Variants in EPHA4 observed in about 807,000 individuals in gnomAD.
The protein encoded by EPHA4 is ephrin type-A receptor 4.
Under a neutral mutation model 108.3 loss-of-function variants are expected in EPHA4, and 19 were observed. That is an observed-to-expected ratio of 0.18 (90% CI 0.12 to 0.26). The LOEUF (loss-of-function observed/expected upper bound fraction) is 0.26, where lower values mean the gene tolerates loss of function less well. Among genes scored for constraint, EPHA4 ranks in the 10% least tolerant of loss-of-function variants. The pLI, the probability that EPHA4 is intolerant of heterozygous loss-of-function variation, is 1.00. For synonymous variants in EPHA4, 449 were observed against 455.5 expected, an observed-to-expected ratio of 0.99 and a Z score of 0.18; for missense variants, 917 against 1,254.0, an observed-to-expected ratio of 0.73 and a Z score of 4.06.
At chr2:221,542,817 A>G (rs555004285) in intron 3 of EPHA4, among the ~76,000 whole-genome samples, 1 of 152,242 alleles carries the variant, frequency 6.6e-6, no homozygotes, top group Admixed American at 6.5e-5. Flanking sequence ...AGAATCCTAC[A>G]TTTGTTTAAA....
intron 3 of EPHA4, among the ~76,000 whole-genome samples, chr2:221,555,642 GAGGTACCAGCTGTAAC>G (rs1694282913): frequency 6.6e-6 from 1 of 152,314 alleles, no homozygotes; most frequent in Admixed American, 6.5e-5. Context: ...AAACAGCTCA[GAGGTACCAGCTGTAAC>G]AGGATACAGG....
At chr2:221,549,703 C>A (rs193243748) in intron 3 of EPHA4, among the ~76,000 whole-genome samples, 61 of 152,330 alleles carry the variant, frequency 4.0e-4, no homozygotes, top group Admixed American at 2.6e-3. Flanking sequence ...CAAAGCCGGG[C>A]GCAGTGGCTC....
chr2:221,462,405 G>T (rs1691174566), intron 5 of EPHA4, among the ~76,000 whole-genome samples: 1 of 151,434 alleles, frequency 6.6e-6, no homozygotes, highest in African/African-American at 2.4e-5. Flanking sequence ...GGAGATTTCA[G>T]CAGTTTTTAA....
chr2:221,493,985 C>T (rs1304386282), intron 4 of EPHA4, among the ~76,000 whole-genome samples: 1 of 152,176 alleles, frequency 6.6e-6, no homozygotes, highest in African/African-American at 2.4e-5. Context: ...GTTTGTTTGG[C>T]ACATTCGAGG....
At chr2:221,441,458 C>T (rs1690426540) in intron 11 of EPHA4, among the ~76,000 whole-genome samples, 1 of 151,950 alleles carries the variant, frequency 6.6e-6, no homozygotes, top group Non-Finnish European at 1.5e-5. Flanking sequence ...TTTCCAGCTC[C>T]CCATCCCGCT....
At chr2:221,474,678 C>T (rs186021872) in intron 5 of EPHA4, among the ~76,000 whole-genome samples, 7 of 152,246 alleles carry the variant, frequency 4.6e-5, no homozygotes, top group Admixed American at 1.3e-4. Flanking sequence ...AGTGGAATTG[C>T]TTTGTTGTCT....
chr2:221,567,009 G>GAAA (rs200995305), intron 2 of EPHA4, among the ~76,000 whole-genome samples: 15 of 112,626 alleles, frequency 1.3e-4, no homozygotes, highest in Admixed American at 8.2e-5. Context: ...AGAAGAAGAA[G>GAAA]AAAAAAATGT....
At chr2:221,499,746 ATATATATATATTTTTTTTTTT>A (rs1384844961) in intron 4 of EPHA4, among the ~76,000 whole-genome samples, 3 of 48,424 alleles carry the variant, frequency 6.2e-5, no homozygotes, top group African/African-American at 3.4e-4. Context: ...ATATATATAT[ATATATATATATTTTTTTTTTT>A]TTTTTTTGAG....
At chr2:221,484,836 T>G (rs1691935173) in intron 4 of EPHA4, among the ~76,000 whole-genome samples, 1 of 152,230 alleles carries the variant, frequency 6.6e-6, no homozygotes, top group African/African-American at 2.4e-5. Context: ...GGAGTTATTT[T>G]TATTCCACCA....
chr2:221,419,055 T>G lies in EPHA4; in HGVS notation c.*2317A>C, dbSNP rs1434128062. The G allele has an allele frequency of 2.0e-5, 3 of 152,670 alleles. No individual in the cohort carries two copies. The highest frequency in any genetic ancestry group is 7.2e-5 in the African/African-American group (3 of 41,458). 9.5% of individuals were successfully genotyped at this position (152,670 alleles called of 1,614,324 possible). A position where few individuals can be genotyped will look rare whatever the true frequency, so the allele number is the denominator to read the frequency against. ...AATAAATGGTTCAGAATCTATTTTT[T>G]TTCCTCATTTTTCCCTGATTTGATG... On this transcript the variant is annotated 3_prime_UTR_variant, in exon 18 of 18. Coordinates refer to ENST00000281821, the MANE Select transcript of EPHA4 (RefSeq NM_004438.5).
At chr2:221,523,444 C>T (rs1378474719) in intron 3 of EPHA4, among the ~76,000 whole-genome samples, 2 of 152,066 alleles carry the variant, frequency 1.3e-5, no homozygotes, top group African/African-American at 4.8e-5. Flanking sequence ...TGTGCCACCA[C>T]GCCCAGCTAA....
chr2:221,469,753 C>T (rs1283017783), intron 5 of EPHA4, among the ~76,000 whole-genome samples: 4 of 152,092 alleles, frequency 2.6e-5, no homozygotes, highest in East Asian at 1.9e-4. Flanking sequence ...GCCAAATGGC[C>T]GGGCCTTGGA....
At chr2:221,475,774 TTC>T (rs995048992) in intron 5 of EPHA4, among the ~76,000 whole-genome samples, 10 of 152,226 alleles carry the variant, frequency 6.6e-5, no homozygotes, top group South Asian at 2.1e-4. Context: ...CAAAATATTA[TTC>T]TGTTTTTTAT....
At chr2:221,463,573 A>G (rs1691215496) in intron 5 of EPHA4, among the ~76,000 whole-genome samples, 1 of 152,168 alleles carries the variant, frequency 6.6e-6, no homozygotes, top group Admixed American at 6.5e-5. Context: ...CACAAGGAGA[A>G]ATTACAGGAG....
chr2:221,435,102 T>C (rs1690189882), intron 13 of EPHA4, among the ~76,000 whole-genome samples: 1 of 152,184 alleles, frequency 6.6e-6, no homozygotes, highest in Admixed American at 6.5e-5. Flanking sequence ...TCCCCAGGGC[T>C]ATCATTTAAA....
Position 221,441,791 on chromosome 2 carries a change from C to T in EPHA4, c.2074+1038G>A, listed in dbSNP as rs553294257. Among the ~76,000 whole-genome samples, 36 of 152,222 alleles carry T rather than the reference C, an allele frequency of 2.4e-4. No homozygotes were observed. In the South Asian group the frequency reaches 7.5e-3, roughly 32 times the overall value. ...GGTGGCCAAGCAAAACAAGTCACACCCCATTACAAGTCCCACGAGGGGTCC... is the reference window on the plus strand; with the variant it reads ...GGTGGCCAAGCAAAACAAGTCACACTCCATTACAAGTCCCACGAGGGGTCC... On this transcript the variant is annotated intron_variant, in intron 11 of 17. Transcript: ENST00000281821.
intron 16 of EPHA4, 81 bp downstream of exon 16, chr2:221,426,383 T>A: frequency 6.7e-7 from 1 of 1,483,124 alleles, no homozygotes; most frequent in Non-Finnish European, 9.0e-7. Context: ...ATGAGTAGGA[T>A]GATTACGCAG....
At chr2:221,536,979 C>G (rs891027669) in intron 3 of EPHA4, among the ~76,000 whole-genome samples, 1 of 152,110 alleles carries the variant, frequency 6.6e-6, no homozygotes, top group African/African-American at 2.4e-5. Flanking sequence ...TACATAGCGA[C>G]CTTAACATAA....
intron 3 of EPHA4, among the ~76,000 whole-genome samples, chr2:221,544,143 A>T (rs1693915937): frequency 6.6e-6 from 1 of 152,094 alleles, no homozygotes; most frequent in African/African-American, 2.4e-5. Flanking sequence ...TCCTAATACC[A>T]TCACCTTGGT....
Sources: gnomAD v4.1 joint callset for allele counts (sites outside exome capture counted in the v4.1 genomes callset) on GRCh38, gnomAD v4.1.1 for gene constraint, MANE v1.5 for transcripts, NCBI Gene and HGNC (gene_info 2026-07-23, HGNC 2026-07-21) for gene names.